The following THSD7B variants were observed in gnomAD, a reference collection of about 807,000 sequenced individuals.
THSD7B encodes the protein thrombospondin type-1 domain-containing protein 7B.
THSD7B carries 138 observed loss-of-function variants against 213.6 expected under a neutral mutation model. That is an observed-to-expected ratio of 0.65 (90% CI 0.56 to 0.74). The LOEUF is 0.74. Among genes scored for constraint, THSD7B ranks in the 30% least tolerant of loss-of-function variants. THSD7B has a pLI of 0.00. For missense variants in THSD7B, 1,931 were observed against 1,991.5 expected (o/e 0.97, Z 0.58); for synonymous variants, 742 against 687.0 (o/e 1.08, Z -1.25).
At chr2:137,091,986 G>T (rs992248046) in intron 3 of THSD7B, among the ~76,000 whole-genome samples, 1 of 152,116 alleles carries the variant, frequency 6.6e-6, no homozygotes, top group African/African-American at 2.4e-5. Flanking sequence ...TATTAGATGA[G>T]ACATTTTCAG....
Position 136,825,978 on chromosome 2 carries a change from C to G in THSD7B, c.-35-56166C>G, listed in dbSNP as rs1003247313. ...CACCTGCAGTGTCCTTTTTGCAATG[C>G]AAGATAACATATTCACAGGCCCTGG... On this transcript the variant is annotated intron_variant, in intron 1 of 27. Transcript: ENST00000409968. Among the ~76,000 whole-genome samples, 150 of 152,192 alleles carry G rather than the reference C, an allele frequency of 9.9e-4. 1 individual carries two copies. Among genetic ancestry groups the G allele is most frequent in the Middle Eastern group, 3.4e-3 (1 of 294 alleles).
At chr2:137,165,180 A>G (rs1319938647) in intron 6 of THSD7B, among the ~76,000 whole-genome samples, 1 of 152,128 alleles carries the variant, frequency 6.6e-6, no homozygotes, top group Non-Finnish European at 1.5e-5. Flanking sequence ...AATAGAACCC[A>G]TTCTGTGGCT....
intron 2 of THSD7B, among the ~76,000 whole-genome samples, chr2:136,933,506 G>C (rs908042754): frequency 6.6e-6 from 1 of 152,102 alleles, no homozygotes; most frequent in Admixed American, 6.5e-5. Context: ...TTGAACCCAG[G>C]AGGCAGAGGT....
At chr2:137,432,660 T>C (rs1430985520) in intron 14 of THSD7B, among the ~76,000 whole-genome samples, 3 of 152,216 alleles carry the variant, frequency 2.0e-5, no homozygotes, top group Non-Finnish European at 4.4e-5. Context: ...ACCACACATT[T>C]CATGTACCAT....
intron 2 of THSD7B, among the ~76,000 whole-genome samples, chr2:136,917,181 C>A (rs1684363660): frequency 6.6e-6 from 1 of 152,054 alleles, no homozygotes; most frequent in Admixed American, 6.6e-5. Context: ...TTAAGTTATC[C>A]TCCCCGCATC....
intron 2 of THSD7B, among the ~76,000 whole-genome samples, chr2:136,924,635 T>C (rs944429819): frequency 5.9e-5 from 9 of 152,234 alleles, no homozygotes; most frequent in African/African-American, 2.2e-4. Context: ...CCTTATTTTT[T>C]TTCAAGATTA....
chr2:137,512,305 G>A (rs1161675798), intron 15 of THSD7B: 1 of 150,784 alleles, frequency 6.6e-6, no homozygotes, highest in African/African-American at 2.4e-5. Flanking sequence ...TTATTTTAAG[G>A]GATTTAAATC....
intron 16 of THSD7B, among the ~76,000 whole-genome samples, chr2:137,568,703 G>A (rs552316658): frequency 4.6e-5 from 7 of 152,220 alleles, no homozygotes; most frequent in East Asian, 1.9e-4. Flanking sequence ...ATCAGACTTC[G>A]TGAAAATTCA....
chr2:137,469,695 C>CT (rs1447332685), intron 15 of THSD7B, among the ~76,000 whole-genome samples: 1 of 152,002 alleles, frequency 6.6e-6, no homozygotes, highest in African/African-American at 2.4e-5. Context: ...AAACTTTAAA[C>CT]TTTTTTCACA....
chr2:136,825,718 A>ATTTTTTTTTTTTGTTTTTT (rs1682635313), intron 1 of THSD7B, among the ~76,000 whole-genome samples: 1 of 116,896 alleles, frequency 8.6e-6, no homozygotes, highest in African/African-American at 3.3e-5. Flanking sequence ...TGCCTGGCTA[A>ATTTTTTTTTTTTGTTTTTT]TTTTTTTTTT....
At chr2:137,482,638 G>A (rs933914381) in intron 15 of THSD7B, among the ~76,000 whole-genome samples, 7 of 152,048 alleles carry the variant, frequency 4.6e-5, no homozygotes, top group Admixed American at 3.9e-4. Context: ...CCATCTGGCA[G>A]TAGCTTTCCC....
chr2:137,068,412 G>T (rs1687419302), intron 3 of THSD7B, among the ~76,000 whole-genome samples: 1 of 152,022 alleles, frequency 6.6e-6, no homozygotes, highest in Admixed American at 6.6e-5. Flanking sequence ...AATCATGTTA[G>T]ATGAGGACAT....
chr2:137,538,986 T>C (rs1388822736), intron 15 of THSD7B, among the ~76,000 whole-genome samples: 1 of 151,730 alleles, frequency 6.6e-6, no homozygotes, highest in Non-Finnish European at 1.5e-5. Context: ...AGAAAATTAA[T>C]GGTGTTTCTC....
chr2:137,172,105 G>A (rs980888798), intron 7 of THSD7B, among the ~76,000 whole-genome samples: 3 of 152,126 alleles, frequency 2.0e-5, no homozygotes, highest in Admixed American at 1.3e-4. Context: ...CTAATAAGAC[G>A]TATATTTTTT....
intron 20 of THSD7B, among the ~76,000 whole-genome samples, chr2:137,635,364 C>A (rs1371562241): frequency 6.6e-6 from 1 of 152,122 alleles, no homozygotes; most frequent in East Asian, 1.9e-4. Flanking sequence ...TAAACCCAAG[C>A]AAGACAAGTC....
chr2:136,903,260 G>A (rs1318691195), intron 2 of THSD7B, among the ~76,000 whole-genome samples: 2 of 152,172 alleles, frequency 1.3e-5, no homozygotes, highest in East Asian at 3.9e-4. Context: ...CATCACTAGT[G>A]TTGAACTGCT....
intron 15 of THSD7B, among the ~76,000 whole-genome samples, chr2:137,543,379 A>C (rs548682060): frequency 6.6e-6 from 1 of 152,000 alleles, no homozygotes; most frequent in African/African-American, 2.4e-5. Flanking sequence ...AATGCAATGA[A>C]GAAAAACTGT....
At chr2:137,280,349 A>T (rs1278016512) in intron 12 of THSD7B, among the ~76,000 whole-genome samples, 1 of 152,174 alleles carries the variant, frequency 6.6e-6, no homozygotes, top group African/African-American at 2.4e-5. Context: ...CAATACATTC[A>T]GAAAATACAA....
intron 1 of THSD7B, among the ~76,000 whole-genome samples, chr2:136,781,651 C>T (rs1448865424): frequency 6.6e-6 from 1 of 152,082 alleles, no homozygotes; most frequent in Non-Finnish European, 1.5e-5. Context: ...CTCCCCTCTT[C>T]CTGTGCCTGG....
Sources: allele counts gnomAD v4.1 joint callset (sites outside exome capture counted in the v4.1 genomes callset), GRCh38; gene constraint gnomAD v4.1.1; transcripts MANE v1.5; gene names NCBI Gene and HGNC (gene_info 2026-07-23, HGNC 2026-07-21).